KIF1A: variants seen among roughly 807,000 people sequenced by gnomAD.
KIF1A encodes kinesin-like protein KIF1A.
Under a neutral mutation model 227.3 loss-of-function variants are expected in KIF1A, and 46 were observed. That is an observed-to-expected ratio of 0.20 (90% CI 0.16 to 0.26). The LOEUF (loss-of-function observed/expected upper bound fraction) is 0.26. Ranked by LOEUF, KIF1A falls within the 10% of genes least tolerant of loss-of-function variation. The pLI is 1.00. For synonymous variants in KIF1A, 1,022 were observed against 1,012.8 expected (o/e 1.01, Z -0.17); for missense variants, 1,683 against 2,485.9 (o/e 0.68, Z 6.87).
In KIF1A at chr2:240,783,344, A is replaced by G. The variant is rs4676367; in HGVS notation, c.799-235T>C. ...CCCATGCAAACCCTGATATCATCCC[A>G]TGTCCCCCTGAAATGCTTCCGGGTC... On this transcript the variant is annotated intron_variant, in intron 8 of 48. Coordinates refer to ENST00000498729, the MANE Select transcript of KIF1A (RefSeq NM_001244008.2). Among the ~76,000 whole-genome samples, 82,604 of 152,004 alleles carry G rather than the reference A, an allele frequency of 0.54. 23,451 individuals carry two copies. Among genetic ancestry groups the G allele is most frequent in the African/African-American group, 0.72 (30,034 of 41,460 alleles).
In KIF1A at chr2:240,721,846, G is replaced by A. The variant is rs2045431677; in HGVS notation, c.4704C>T (p.Tyr1568=). The change falls in exon 44 of 49, where the codon TAC becomes TAT. Residue 1568 remains tyrosine, a synonymous_variant. Coordinates refer to ENST00000498729, the MANE Select transcript of KIF1A (RefSeq NM_001244008.2). ...CACTGACGCAGACGTGGCTGTGTGT[G>A]TACTCTCTGTTGAATGTGTGCGTGA... ...RLLTHTFNRE[Y]THSHVCVSAS... is the part of the protein sequence containing the mutation. The A allele has an allele frequency of 4.4e-6, 7 of 1,607,428 alleles. No homozygotes were observed. The highest frequency in any genetic ancestry group is 1.7e-5 in the Admixed American group (1 of 59,826).
intron 47 of KIF1A, 72 bp from the exon 48 acceptor site, chr2:240,718,240 GC>G: frequency 9.4e-7 from 1 of 1,058,462 alleles, no homozygotes; most frequent in Non-Finnish European, 1.4e-6. Flanking sequence ...GCTCCCCAGG[GC>G]CCAGGCAGGC....
chr2:240,781,357 A>C (rs1356278602), intron 10 of KIF1A, among the ~76,000 whole-genome samples: 6 of 18,552 alleles, frequency 3.2e-4, no homozygotes, highest in African/African-American at 5.4e-4. Flanking sequence ...ACACAGCTCC[A>C]CACACACACA....
intron 1 of KIF1A, among the ~76,000 whole-genome samples, chr2:240,815,089 G>A (rs2058217366): frequency 6.6e-6 from 1 of 152,138 alleles, no homozygotes; most frequent in Admixed American, 6.5e-5. Context: ...AGCCCTCCCA[G>A]GCCCCAAGGA....
Position 240,740,377 on chromosome 2 carries a change from GAC to G in KIF1A, c.3750-15_3750-14del. ...GGCCGGGATGTAACTGGAAGAGAGA[GAC>G]ACATGTGAGGAGCGGCCAGCCCCTC... On this transcript the variant is annotated splice_polypyrimidine_tract_variant and intron_variant, in intron 35 of 48. Transcript: ENST00000498729. The surrounding 1 kb of genome is among the most constrained non-coding windows in gnomAD (Gnocchi z 6.1). 6.2e-7 allele frequency: 1 copy of G among 1,612,686 alleles called. No homozygotes were observed. The highest frequency in any genetic ancestry group is 2.2e-5 in the East Asian group (1 of 44,872).
intron 45 of KIF1A, chr2:240,720,590 T>C (rs1388611224): frequency 4.7e-6 from 1 of 212,368 alleles, no homozygotes; most frequent in East Asian, 1.0e-4. Context: ...ACGGCTCTCA[T>C]GCCCTCTTTC....
chr2:240,795,293 G>C (rs555536031), intron 2 of KIF1A, among the ~76,000 whole-genome samples: 11 of 152,200 alleles, frequency 7.2e-5, no homozygotes, highest in Non-Finnish European at 1.3e-4. Flanking sequence ...AGGGCCAGAC[G>C]GGATCCAGGC....
At chr2:240,819,657 G>A (rs960289064) in intron 1 of KIF1A, among the ~76,000 whole-genome samples, 2 of 151,538 alleles carry the variant, frequency 1.3e-5, no homozygotes, top group Admixed American at 1.3e-4. Flanking sequence ...CAGGTGCGGC[G>A]TCAGCGTCCT....
intron 1 of KIF1A, among the ~76,000 whole-genome samples, chr2:240,812,875 A>ACTCAGGGATCCGCCTTCAC (rs2058004829): frequency 7.9e-5 from 5 of 63,192 alleles, no homozygotes; most frequent in Admixed American, 1.7e-4. Flanking sequence ...ATCAGCCTTC[A>ACTCAGGGATCCGCCTTCAC]CTCGGGGATC....
Position 240,725,511 on chromosome 2 carries a change from A to T in KIF1A, c.4123-107T>A. 1 of 1,295,620 alleles carries T rather than the reference A, an allele frequency of 7.7e-7. No homozygotes were observed. Among genetic ancestry groups the T allele is most frequent in the Non-Finnish European group, 1.1e-6 (1 of 939,022 alleles). 80.3% of individuals were successfully genotyped at this position (1,295,620 alleles called of 1,614,324 possible). A position where few individuals can be genotyped will look rare whatever the true frequency, so the allele number is the denominator to read the frequency against. On this transcript the variant is annotated intron_variant, in intron 39 of 48. Coordinates refer to ENST00000498729, the MANE Select transcript of KIF1A (RefSeq NM_001244008.2). This position sits in a 1 kb window ranked among gnomAD's most constrained non-coding sequence, Gnocchi z 5.8. ...ATGCCCAGCACCGACAGGCAGCCCC[A>T]GGGCCTTCCCAGGGCCTCAGGTGTG... is the stretch of plus-strand genomic sequence containing the variant.
chr2:240,809,433 C>T lies in KIF1A; in HGVS notation c.-61+10689G>A, dbSNP rs556524844. Among the ~76,000 whole-genome samples the T allele has an allele frequency of 2.4e-4, 37 of 152,278 alleles. No homozygotes were observed. In the South Asian group the frequency reaches 7.5e-3, roughly 31 times the overall value. On this transcript the variant is annotated intron_variant, in intron 1 of 48. Coordinates refer to ENST00000498729, the MANE Select transcript of KIF1A (RefSeq NM_001244008.2). ...AGAAGGGACCCCAGGAACAGACCTG[C>T]AGAAGCACAGCCCTTTTGACATCTG...
rs1253443312 is a variant in KIF1A, at chr2:240,775,754, G to A, written c.958+97C>T. 20 of 814,068 alleles carry A rather than the reference G, an allele frequency of 2.5e-5. No individual in the cohort carries two copies. Among genetic ancestry groups the A allele is most frequent in the Non-Finnish European group, 3.9e-5 (18 of 467,336 alleles). The allele number at this position is 814,068 out of a possible 1,614,324, so 50.4% of individuals were successfully genotyped here. A position where few individuals can be genotyped will look rare whatever the true frequency, so the allele number is the denominator to read the frequency against. On this transcript the variant is annotated intron_variant, in intron 11 of 48. Transcript: ENST00000498729. This position sits in a 1 kb window ranked among gnomAD's most constrained non-coding sequence, Gnocchi z 5.5. ...CAGCCTCAGCCCAGAAAGGGTGAGA[G>A]GCCTGCTGGCGACTGGGCACCCCCT...
intron 2 of KIF1A, among the ~76,000 whole-genome samples, chr2:240,796,448 G>A (rs888378560): frequency 1.3e-5 from 2 of 152,156 alleles, no homozygotes; most frequent in African/African-American, 4.8e-5. Flanking sequence ...ACCCACTTAC[G>A]AACGCACCTT....
intron 25 of KIF1A, among the ~76,000 whole-genome samples, chr2:240,760,366 C>G (rs1009394318): frequency 6.6e-6 from 1 of 152,272 alleles, no homozygotes; most frequent in African/African-American, 2.4e-5. Context: ...CTCCCCTCCA[C>G]TGCACCGTCC....
chr2:240,787,158 T>C, intron 5 of KIF1A, 93 bp downstream of exon 5: 1 of 1,031,134 alleles, frequency 9.7e-7, no homozygotes, highest in Admixed American at 1.7e-5. Context: ...TGCAGACCCG[T>C]GGTGGGCACT....
intron 28 of KIF1A, among the ~76,000 whole-genome samples, chr2:240,747,684 T>C (rs2048767187): frequency 6.6e-6 from 1 of 152,158 alleles, no homozygotes; most frequent in East Asian, 1.9e-4. Context: ...GCCCTGCTGG[T>C]CCCACCTCCA....
chr2:240,761,676 T>C (rs907674706), intron 23 of KIF1A, among the ~76,000 whole-genome samples: 2 of 152,026 alleles, frequency 1.3e-5, no homozygotes, highest in Non-Finnish European at 2.9e-5. Flanking sequence ...TCACACTAAC[T>C]ATTTGGGTAC....
chr2:240,720,713 G>A (rs2045245984), intron 45 of KIF1A: 1 of 524,966 alleles, frequency 1.9e-6, no homozygotes, highest in Non-Finnish European at 3.3e-6. Context: ...ACACACACTA[G>A]GATGGAGCTG....
chr2:240,735,210 C>T (rs73011031), intron 38 of KIF1A, among the ~76,000 whole-genome samples: 6,845 of 152,274 alleles, frequency 0.045, 227 homozygotes, highest in Non-Finnish European at 0.065. Flanking sequence ...GCCGCGCCCA[C>T]GCAACGCGCC....
Sources: allele counts gnomAD v4.1 joint callset (sites outside exome capture counted in the v4.1 genomes callset), GRCh38; gene constraint gnomAD v4.1.1; non-coding constraint Gnocchi (gnomAD v3.1); transcripts MANE v1.5; gene names NCBI Gene and HGNC (gene_info 2026-07-23, HGNC 2026-07-21).